Variants in CNIH3 observed in about 807,000 individuals in gnomAD.
The protein encoded by CNIH3 is protein cornichon homolog 3.
In CNIH3, 14 loss-of-function variants were observed where a neutral mutation model predicts 24.1. The observed-to-expected ratio is 0.58, with a 90% CI of 0.38 to 0.91. The LOEUF (loss-of-function observed/expected upper bound fraction) is 0.91. CNIH3 is among the 40% of genes least tolerant of loss of function. CNIH3 has a pLI of 0.00. For missense variants in CNIH3, 178 were observed against 196.8 expected (o/e 0.90, Z 0.57); for synonymous variants, 68 against 73.8 (o/e 0.92, Z 0.40).
intron 1 of CNIH3, among the ~76,000 whole-genome samples, chr1:224,655,340 G>A (rs1050298430): frequency 2.0e-5 from 3 of 152,180 alleles, no homozygotes; most frequent in African/African-American, 7.2e-5. Context: ...AAGAGGGCAA[G>A]GAAGGCCAGA....
chr1:224,682,978 C>T (rs1192723385), intron 2 of CNIH3, among the ~76,000 whole-genome samples: 1 of 152,202 alleles, frequency 6.6e-6, no homozygotes, highest in African/African-American at 2.4e-5. Flanking sequence ...TTGTGGAACC[C>T]TTTCCATCTC....
chr1:224,734,659 G>A lies in CNIH3; in HGVS notation c.408G>A (p.Trp136Ter). 1 of 1,614,072 alleles carries A rather than the reference G, an allele frequency of 6.2e-7. No homozygotes were observed. The highest frequency in any genetic ancestry group is 8.5e-7 in the Non-Finnish European group (1 of 1,179,902). Residue 136 changes from tryptophan (W) to a stop codon, truncating the protein, a stop_gained, in exon 5 of 6, where the codon TGG (tryptophan) becomes TGA (stop). Transcript: ENST00000272133. LOFTEE classifies it high-confidence loss of function. ...DTLSYCQKEA[W>*]CKLAFYLLSF... ...TGAGTTACTGTCAGAAGGAGGCCTGGTGTAAGCTGGCCTTCTATCTCCTCT... is the reference window on the plus strand; with the variant it reads ...TGAGTTACTGTCAGAAGGAGGCCTGATGTAAGCTGGCCTTCTATCTCCTCT...
At chr1:224,733,027 C>G (rs1572837750) in intron 4 of CNIH3, among the ~76,000 whole-genome samples, 1 of 152,148 alleles carries the variant, frequency 6.6e-6, no homozygotes, top group African/African-American at 2.4e-5. Flanking sequence ...TTTACTCCCC[C>G]TCCTTCCCAA....
intron 1 of CNIH3, among the ~76,000 whole-genome samples, chr1:224,499,435 C>G (rs902608400): frequency 1.3e-5 from 2 of 152,166 alleles, no homozygotes; most frequent in African/African-American, 4.8e-5. Flanking sequence ...AGCCGAGACT[C>G]ATGACTAATC....
At chr1:224,595,006 A>G (rs1681918778) in intron 3 of CNIH3, among the ~76,000 whole-genome samples, 1 of 152,164 alleles carries the variant, frequency 6.6e-6, no homozygotes, top group Non-Finnish European at 1.5e-5. Context: ...TGTCAGCACC[A>G]TTTCTCCAAC....
At chr1:224,720,252 C>CTTTTTTTTTTTTTTTTTTTT (rs10625559) in intron 3 of CNIH3, among the ~76,000 whole-genome samples, 1 of 142,084 alleles carries the variant, frequency 7.0e-6, no homozygotes, top group Non-Finnish European at 1.5e-5. Context: ...GGATAGTCAT[C>CTTTTTTTTTTTTTTTTTTTT]TTTTTTTTTT....
At chr1:224,506,145 T>C (rs1406628796) in intron 1 of CNIH3, among the ~76,000 whole-genome samples, 1 of 152,188 alleles carries the variant, frequency 6.6e-6, no homozygotes, top group Non-Finnish European at 1.5e-5. Flanking sequence ...CTCTGAGGAA[T>C]GAAATTCCTT....
intron 4 of CNIH3, among the ~76,000 whole-genome samples, chr1:224,730,986 G>GA (rs894120739): frequency 2.6e-5 from 4 of 152,126 alleles, no homozygotes; most frequent in East Asian, 1.9e-4. Context: ...AAGTATCAGT[G>GA]AAAAAAGCCA....
intron 1 of CNIH3, among the ~76,000 whole-genome samples, chr1:224,442,078 G>C (rs2102946817): frequency 6.7e-6 from 1 of 148,464 alleles, no homozygotes; most frequent in Non-Finnish European, 1.5e-5. Flanking sequence ...GAGTGCAGTG[G>C]CACGATCATG....
chr1:224,718,839 A>AC, intron 3 of CNIH3: 1 of 152,256 alleles, frequency 6.6e-6, no homozygotes, highest in East Asian at 1.9e-4. Flanking sequence ...ACCATTCTGC[A>AC]GCGGGATCCC....
chr1:224,499,667 ACT>A (rs770145300), intron 1 of CNIH3, among the ~76,000 whole-genome samples: 7 of 151,932 alleles, frequency 4.6e-5, no homozygotes, highest in Non-Finnish European at 8.8e-5. Context: ...ATTTTTTATA[ACT>A]CTCTATTTCG....
intron 3 of CNIH3, among the ~76,000 whole-genome samples, chr1:224,607,359 A>G (rs564152108): frequency 6.6e-6 from 1 of 152,344 alleles, no homozygotes; most frequent in Non-Finnish European, 1.5e-5. Flanking sequence ...GGGAGCTTCA[A>G]TATTTAAAGG....
At chr1:224,692,165 G>A (rs964975680) in intron 3 of CNIH3, among the ~76,000 whole-genome samples, 1 of 152,254 alleles carries the variant, frequency 6.6e-6, no homozygotes, top group Non-Finnish European at 1.5e-5. Flanking sequence ...AGCCAGGCAC[G>A]GTGGTGCACA....
At chr1:224,665,511 G>A (rs989307334) in intron 1 of CNIH3, among the ~76,000 whole-genome samples, 1 of 152,216 alleles carries the variant, frequency 6.6e-6, no homozygotes, top group African/African-American at 2.4e-5. Flanking sequence ...TAACCACTGT[G>A]TGCCTTGCCC....
intron 1 of CNIH3, among the ~76,000 whole-genome samples, chr1:224,656,514 A>G (rs972905164): frequency 2.0e-5 from 3 of 152,122 alleles, no homozygotes; most frequent in Non-Finnish European, 4.4e-5. Flanking sequence ...TTTCTTATCT[A>G]GGATCTTTGG....
intron 3 of CNIH3, among the ~76,000 whole-genome samples, chr1:224,607,560 A>G (rs1225105640): frequency 6.6e-6 from 1 of 152,204 alleles, no homozygotes; most frequent in Non-Finnish European, 1.5e-5. Context: ...ATTTTTACAT[A>G]AGATAAAATA....
rs756821332 is a variant in CNIH3, at chr1:224,739,486, A to G, written c.*130A>G. On this transcript the variant is annotated 3_prime_UTR_variant, in exon 6 of 6. Coordinates refer to ENST00000272133, the MANE Select transcript of CNIH3 (RefSeq NM_152495.2). ...AGAAATAGACCCGGCAGGCAGTCAG[A>G]CTGAATGGGAGCTGGAATCACGCAG... The G allele has an allele frequency of 1.5e-5, 22 of 1,515,634 alleles. No individual in the cohort carries two copies. The highest frequency in any genetic ancestry group is 2.0e-5 in the Non-Finnish European group (22 of 1,124,812). 93.9% of individuals were successfully genotyped at this position (1,515,634 alleles called of 1,614,324 possible).
At chr1:224,515,144 G>T (rs2124902210), upstream of CNIH3, among the ~76,000 whole-genome samples, 1 of 152,314 alleles carries the variant, frequency 6.6e-6, no homozygotes, top group South Asian at 2.1e-4. Flanking sequence ...GCTTCTGGAA[G>T]GTGAAAGCCA....
intron 1 of CNIH3, among the ~76,000 whole-genome samples, chr1:224,670,397 G>T (rs777848391): frequency 6.6e-6 from 1 of 152,166 alleles, no homozygotes; most frequent in Non-Finnish European, 1.5e-5. Flanking sequence ...GAGTCTAAGG[G>T]GCTCTTTATC....
Sources: allele counts gnomAD v4.1 joint callset (sites outside exome capture counted in the v4.1 genomes callset), GRCh38; gene constraint gnomAD v4.1.1; transcripts MANE v1.5; gene names NCBI Gene and HGNC (gene_info 2026-07-23, HGNC 2026-07-21).